The following SHANK2 variants were observed in gnomAD, a reference collection of about 807,000 sequenced individuals.
The protein encoded by SHANK2 is SH3 and multiple ankyrin repeat domains protein 2.
A neutral mutation model predicts 133.7 loss-of-function variants in SHANK2; 43 were observed. That is an observed-to-expected ratio of 0.32 (90% CI 0.25 to 0.41). The LOEUF is 0.41. SHANK2 is among the 10% of genes least tolerant of loss of function. The pLI, the probability that SHANK2 is intolerant of heterozygous loss-of-function variation, is 1.00. For missense variants in SHANK2, 1,994 were observed against 2,235.8 expected (o/e 0.89, Z 2.18); for synonymous variants, 1,017 against 952.8 (o/e 1.07, Z -1.24).
Position 70,566,949 on chromosome 11 carries a change from C to T in SHANK2, c.2062-64018G>A, listed in dbSNP as rs148197187. Among the ~76,000 whole-genome samples, 480 of 152,298 alleles carry T rather than the reference C, an allele frequency of 3.2e-3. 9 individuals are homozygous for T. In the South Asian group the frequency reaches 0.054, roughly 17 times the overall value. On this transcript the variant is annotated intron_variant, in intron 17 of 25. Coordinates refer to ENST00000601538, the MANE Select transcript of SHANK2 (RefSeq NM_012309.5). Reference sequence around the variant, plus strand: ...GAAGAATCTCTACTCAGCCACAAAGCGGCTAAACACGATCAAAGAAACCAT... The same window carrying T: ...GAAGAATCTCTACTCAGCCACAAAGTGGCTAAACACGATCAAAGAAACCAT...
chr11:70,487,599 TGGGGACGGGGGCACAGACTGCGGTGGA>T lies in SHANK2; in HGVS notation c.2667_2693del (p.Gln892_Pro900del). 3.7e-6 allele frequency: 6 copies of T among 1,609,250 alleles called. No homozygotes were observed. The highest frequency in any genetic ancestry group is 5.1e-6 in the Non-Finnish European group (6 of 1,178,250). ...TGTAAGTGGTTGGGGAAGGTGGTGG[TGGGGACGGGGGCACAGACTGCGGTGGA>T]GGGGGGATGTCCTCAGAGGTGTCCG... On this transcript the variant is annotated inframe_deletion, in exon 25 of 26. Transcript: ENST00000601538. This position sits in a 1 kb window ranked among gnomAD's most constrained non-coding sequence, Gnocchi z 5.8.
At chr11:71,212,934 G>C (rs1555119073) in intron 2 of SHANK2, among the ~76,000 whole-genome samples, 5 of 151,758 alleles carry the variant, frequency 3.3e-5, no homozygotes. Context: ...CGGAGGCACA[G>C]GGAGAGGAGC....
intron 17 of SHANK2, among the ~76,000 whole-genome samples, chr11:70,650,962 T>C (rs1163691553): frequency 6.6e-6 from 1 of 152,238 alleles, no homozygotes; most frequent in African/African-American, 2.4e-5. Flanking sequence ...TTGCCACCAT[T>C]TGTTGAGAAC....
intron 11 of SHANK2, among the ~76,000 whole-genome samples, chr11:70,871,045 T>TG (rs1197840948): frequency 6.6e-6 from 1 of 152,218 alleles, no homozygotes; most frequent in Admixed American, 6.5e-5. Flanking sequence ...CCCAAAGTGC[T>TG]GGGATTATAA....
Position 70,596,483 on chromosome 11 carries a change from G to C in SHANK2, c.2061+63345C>G, listed in dbSNP as rs367614697. Among the ~76,000 whole-genome samples the C allele has an allele frequency of 2.2e-3, 333 of 152,332 alleles. 1 individual carries two copies. The highest frequency in any genetic ancestry group is 7.7e-3 in the African/African-American group (321 of 41,578). ...GTTCTAGGGTTCTGGGGTTGGAAGG[G>C]GCATCAGGGTCCTGGTCTGGGACCC... On this transcript the variant is annotated intron_variant, in intron 17 of 25. Transcript: ENST00000601538.
At chr11:70,670,622 G>A (rs1474710194) in intron 15 of SHANK2, among the ~76,000 whole-genome samples, 1 of 152,240 alleles carries the variant, frequency 6.6e-6, no homozygotes, top group Non-Finnish European at 1.5e-5. Context: ...CACACGTGCA[G>A]CTGCTCCCAG....
chr11:70,549,278 C>T (rs577110751), intron 17 of SHANK2, among the ~76,000 whole-genome samples: 3 of 152,304 alleles, frequency 2.0e-5, no homozygotes, highest in South Asian at 4.1e-4. Flanking sequence ...GATTCCACGC[C>T]GACTGAGCCA....
intron 14 of SHANK2, among the ~76,000 whole-genome samples, chr11:70,766,806 C>T (rs539097643): frequency 6.6e-6 from 1 of 152,278 alleles, no homozygotes; most frequent in East Asian, 1.9e-4. Flanking sequence ...TGTTTTTGTT[C>T]CAATCAGCGA....
intron 2 of SHANK2, among the ~76,000 whole-genome samples, chr11:71,157,823 C>T (rs7125114): frequency 0.2 from 31,106 of 152,036 alleles, 3,386 homozygotes; most frequent in South Asian, 0.28. Context: ...AGGAAGGGAG[C>T]GACTTGCCCA....
chr11:70,695,450 G>A (rs993788185), intron 15 of SHANK2, among the ~76,000 whole-genome samples: 4 of 152,182 alleles, frequency 2.6e-5, no homozygotes, highest in African/African-American at 4.8e-5. Flanking sequence ...AAAAGACCAC[G>A]TAGTGGCTGA....
At chr11:71,065,354 G>GA (rs1951036186) in intron 9 of SHANK2, among the ~76,000 whole-genome samples, 1 of 138,812 alleles carries the variant, frequency 7.2e-6, no homozygotes, top group Non-Finnish European at 1.6e-5. Context: ...AGTTGTGGGG[G>GA]TGTGTGTGTG....
At chr11:71,068,728 G>T (rs1301203030) in intron 9 of SHANK2, among the ~76,000 whole-genome samples, 1 of 152,178 alleles carries the variant, frequency 6.6e-6, no homozygotes, top group Admixed American at 6.5e-5. Context: ...CTATTCACAG[G>T]TTCTTTGGGT....
rs577627487 is a variant in SHANK2 at position 70,804,221 on chromosome 11, C to T, written c.1663+2781G>A. 3.9e-5 allele frequency among the ~76,000 whole-genome samples: 6 copies of T among 152,232 alleles called. No individual in the cohort carries two copies. The highest frequency in any genetic ancestry group is 1.9e-4 in the East Asian group (1 of 5,182). ...ATCAAGGGGACAGAATTCCTCCAAA[C>T]GGCCTTGGCTCTGCAGGCAGTGGAT... On this transcript the variant is annotated intron_variant, in intron 13 of 25. Transcript: ENST00000601538. The surrounding 1 kb of genome is among the most constrained non-coding windows in gnomAD (Gnocchi z 4.1).
intron 14 of SHANK2, among the ~76,000 whole-genome samples, chr11:70,724,897 C>A (rs1946148933): frequency 6.6e-6 from 1 of 152,162 alleles, no homozygotes; most frequent in Non-Finnish European, 1.5e-5. Flanking sequence ...TGCCCATACA[C>A]CCTACAGGGG....
intron 15 of SHANK2, among the ~76,000 whole-genome samples, chr11:70,687,790 CA>C (rs1945188765): frequency 1.3e-5 from 2 of 152,330 alleles, no homozygotes; most frequent in East Asian, 3.9e-4. Context: ...AGGTGGGGAG[CA>C]AGGCAGGCCT....
chr11:70,701,093 T>A (rs965973356), intron 14 of SHANK2, among the ~76,000 whole-genome samples: 1 of 152,206 alleles, frequency 6.6e-6, no homozygotes, highest in African/African-American at 2.4e-5. Context: ...TGGTGCAGGA[T>A]CCTGGCTGAA....
At chr11:70,692,104 T>A (rs1945301834) in intron 15 of SHANK2, among the ~76,000 whole-genome samples, 1 of 152,080 alleles carries the variant, frequency 6.6e-6, no homozygotes, top group African/African-American at 2.4e-5. Flanking sequence ...TACTCAGGGA[T>A]AAAGCCTTCT....
At chr11:70,762,600 C>T (rs1438779351) in intron 14 of SHANK2, among the ~76,000 whole-genome samples, 1 of 152,114 alleles carries the variant, frequency 6.6e-6, no homozygotes, top group Non-Finnish European at 1.5e-5. Flanking sequence ...GGCTGATGGT[C>T]CAGTACAGAG....
intron 2 of SHANK2, among the ~76,000 whole-genome samples, chr11:71,211,849 TTGCAGTTG>T (rs1954289963): frequency 1.3e-5 from 2 of 152,238 alleles, no homozygotes; most frequent in Admixed American, 1.3e-4. Context: ...GAGAAAAGCT[TTGCAGTTG>T]TCCAGATCTC....
Sources: allele counts gnomAD v4.1 joint callset (sites outside exome capture counted in the v4.1 genomes callset), GRCh38; gene constraint gnomAD v4.1.1; non-coding constraint Gnocchi (gnomAD v3.1); transcripts MANE v1.5; gene names NCBI Gene and HGNC (gene_info 2026-07-23, HGNC 2026-07-21).